The following HSD17B11 variants were observed in gnomAD, a reference collection of about 807,000 sequenced individuals.
HSD17B11 encodes hydroxysteroid 17-beta dehydrogenase 11, also known as estradiol 17-beta-dehydrogenase 11.
In HSD17B11, 22 loss-of-function variants were observed where a neutral mutation model predicts 27.8. That is an observed-to-expected ratio of 0.79 (90% confidence interval 0.56 to 1.13). The LOEUF (loss-of-function observed/expected upper bound fraction) is 1.13, where lower values mean the gene tolerates loss of function less well. Among genes scored for constraint, HSD17B11 ranks in the 50% most tolerant of loss-of-function variants. HSD17B11 has a pLI of 0.00. For synonymous variants in HSD17B11, 117 were observed against 132.8 expected, an observed-to-expected ratio of 0.88 and a Z score of 0.82; for missense variants, 314 against 351.1, an observed-to-expected ratio of 0.89 and a Z score of 0.84.
chr4:87,352,942 G>A (rs9307031), intron 5 of HSD17B11, among the ~76,000 whole-genome samples: 7 of 95,664 alleles, frequency 7.3e-5, no homozygotes, highest in African/African-American at 1.1e-4. Context: ...GACCCCTTGC[G>A]CTTCCCAGGT....
intron 4 of HSD17B11, among the ~76,000 whole-genome samples, chr4:87,360,941 A>AT (rs973018168): frequency 2.6e-5 from 4 of 152,180 alleles, no homozygotes; most frequent in African/African-American, 9.7e-5. Flanking sequence ...AAAATTATAT[A>AT]TTTTTTCAAT....
intron 5 of HSD17B11, among the ~76,000 whole-genome samples, chr4:87,356,036 G>A (rs1235413529): frequency 6.6e-6 from 1 of 152,226 alleles, no homozygotes; most frequent in African/African-American, 2.4e-5. Flanking sequence ...ATGCGAACAT[G>A]AATGTAGCTA....
At chr4:87,388,399 C>T (rs1720373900) in intron 1 of HSD17B11, among the ~76,000 whole-genome samples, 1 of 152,210 alleles carries the variant, frequency 6.6e-6, no homozygotes, top group African/African-American at 2.4e-5. Flanking sequence ...TACTACCTAC[C>T]ACTGTGTTGC....
intron 1 of HSD17B11, among the ~76,000 whole-genome samples, chr4:87,384,956 G>A (rs1474368068): frequency 6.6e-6 from 1 of 152,082 alleles, no homozygotes; most frequent in Non-Finnish European, 1.5e-5. Flanking sequence ...CAGCGGCCCA[G>A]TTGTAAAATT....
intron 6 of HSD17B11, among the ~76,000 whole-genome samples, chr4:87,339,910 C>A (rs1008937813): frequency 6.6e-6 from 1 of 152,128 alleles, no homozygotes; most frequent in Non-Finnish European, 1.5e-5. Flanking sequence ...TTTTAATATG[C>A]GTACAAATCA....
At chr4:87,358,517 GAT>G (rs1432403316) in intron 4 of HSD17B11, among the ~76,000 whole-genome samples, 2 of 152,138 alleles carry the variant, frequency 1.3e-5, no homozygotes, top group Admixed American at 6.5e-5. Flanking sequence ...GCTTTATTGA[GAT>G]ATAAATTCAT....
Position 87,357,422 on chromosome 4 carries a change from AAT to A in HSD17B11, c.558-8_558-7del. On this transcript the variant is annotated splice_region_variant and splice_polypyrimidine_tract_variant and intron_variant, in intron 4 of 6. Coordinates refer to ENST00000358290, the MANE Select transcript of HSD17B11 (RefSeq NM_016245.5). ...CAGCAGCAAACTTGCTTGAACTGAAAATAGAGAGTTTACAAAATAATTCAAGA... is the reference window on the plus strand; with the variant it reads ...CAGCAGCAAACTTGCTTGAACTGAAAAGAGAGTTTACAAAATAATTCAAGA... 3 of 1,609,926 alleles carry A rather than the reference AAT, an allele frequency of 1.9e-6. No homozygotes were observed. Among genetic ancestry groups the A allele is most frequent in the Non-Finnish European group, 2.5e-6 (3 of 1,178,614 alleles).
intron 2 of HSD17B11, among the ~76,000 whole-genome samples, chr4:87,375,698 G>A (rs987310248): frequency 3.9e-5 from 6 of 152,186 alleles, no homozygotes; most frequent in South Asian, 2.1e-4. Flanking sequence ...CTGAGATCGC[G>A]CCATCGCACT....
chr4:87,365,858 T>C (rs1735605459), intron 4 of HSD17B11: 1 of 151,414 alleles, frequency 6.6e-6, no homozygotes, highest in African/African-American at 2.4e-5. Flanking sequence ...TTAAAGAAGT[T>C]GTGGAAGGTT....
intron 2 of HSD17B11, among the ~76,000 whole-genome samples, chr4:87,378,946 ATTTATATATATATATTT>A (rs1560769658): frequency 0.061 from 1,429 of 23,380 alleles, 252 homozygotes; most frequent in African/African-American, 0.25. Context: ...ATATATATAT[ATTTATATATATATATTT>A]TTTTTTTTTT....
At chr4:87,343,734 G>A (rs780257984) in intron 5 of HSD17B11, among the ~76,000 whole-genome samples, 1 of 152,044 alleles carries the variant, frequency 6.6e-6, no homozygotes, top group Admixed American at 6.6e-5. Flanking sequence ...TTTTAGTAGA[G>A]ACGGGGTTTC....
At chr4:87,365,390 T>C (rs953827037) in intron 4 of HSD17B11, among the ~76,000 whole-genome samples, 8 of 152,242 alleles carry the variant, frequency 5.3e-5, no homozygotes, top group African/African-American at 1.9e-4. Flanking sequence ...ATAAAATGTC[T>C]TAAAAATGTA....
intron 4 of HSD17B11, among the ~76,000 whole-genome samples, chr4:87,361,705 T>G (rs528428874): frequency 6.6e-6 from 1 of 152,288 alleles, no homozygotes; most frequent in South Asian, 2.1e-4. Flanking sequence ...AGGCGGAGCT[T>G]GCAGTGAGCT....
At chr4:87,366,916 G>C (rs1735622034) in intron 4 of HSD17B11, among the ~76,000 whole-genome samples, 1 of 150,606 alleles carries the variant, frequency 6.6e-6, no homozygotes, top group Admixed American at 6.7e-5. Flanking sequence ...TGAACCAATA[G>C]AAAACTGAAG....
At chr4:87,339,750 G>T (rs55974821) in intron 6 of HSD17B11, among the ~76,000 whole-genome samples, 9,106 of 152,198 alleles carry the variant, frequency 0.06, 876 homozygotes, top group African/African-American at 0.21. Flanking sequence ...GAAAGTTATT[G>T]TATCTCTCAA....
intron 4 of HSD17B11, among the ~76,000 whole-genome samples, chr4:87,366,705 C>T (rs1252593727): frequency 1.3e-5 from 2 of 152,134 alleles, no homozygotes; most frequent in East Asian, 1.9e-4. Flanking sequence ...TTATCATCCA[C>T]AGACAGTTGT....
rs150012213 is a variant in HSD17B11, at chr4:87,365,367, G to T, written c.557+7342C>A. On this transcript the variant is annotated intron_variant, in intron 4 of 6. Coordinates refer to ENST00000358290, the MANE Select transcript of HSD17B11 (RefSeq NM_016245.5). ...TTTTGAAAATAAAGACAGTTTTAAA[G>T]TTTATTGGTAAAATAAAATGTCTTA... 7.6e-3 allele frequency among the ~76,000 whole-genome samples: 1,164 copies of T among 152,292 alleles called. 12 individuals carry two copies. Among genetic ancestry groups the T allele is most frequent in the African/African-American group, 0.026 (1,090 of 41,564 alleles).
chr4:87,367,382 AC>A (rs1286423728), intron 4 of HSD17B11, among the ~76,000 whole-genome samples: 1 of 152,178 alleles, frequency 6.6e-6, no homozygotes, highest in Non-Finnish European at 1.5e-5. Flanking sequence ...TTAACTTGGG[AC>A]CTCAAAAGAA....
chr4:87,337,943 C>A (rs370687181), intron 6 of HSD17B11, among the ~76,000 whole-genome samples: 81 of 152,312 alleles, frequency 5.3e-4, no homozygotes, highest in African/African-American at 1.9e-3. Flanking sequence ...CTTGGCCTGG[C>A]GTGGTGGCTC....
Sources: gnomAD v4.1 joint callset for allele counts (sites outside exome capture counted in the v4.1 genomes callset) on GRCh38, gnomAD v4.1.1 for gene constraint, MANE v1.5 for transcripts, NCBI Gene and HGNC (gene_info 2026-07-23, HGNC 2026-07-21) for gene names.